GRID2: variants seen among roughly 807,000 people sequenced by gnomAD.
GRID2 encodes glutamate ionotropic receptor delta type subunit 2.
GRID2 carries 33 observed loss-of-function variants against 114.8 expected under a neutral mutation model. The observed-to-expected ratio is 0.29, with a 90% CI of 0.22 to 0.38. The LOEUF is 0.38. Among genes scored for constraint, GRID2 ranks in the 10% least tolerant of loss-of-function variants. The pLI, the probability that GRID2 is intolerant of heterozygous loss-of-function variation, is 1.00. For missense variants in GRID2, 1,184 were observed against 1,257.7 expected (o/e 0.94, Z 0.89); for synonymous variants, 505 against 449.9 (o/e 1.12, Z -1.55).
chr4:93,592,396 A>G (rs1163925463), intron 13 of GRID2, among the ~76,000 whole-genome samples: 7 of 152,068 alleles, frequency 4.6e-5, no homozygotes, highest in African/African-American at 9.7e-5. Flanking sequence ...CTGAGTTCTA[A>G]TTTGATTGCA....
chr4:92,542,550 A>G (rs542064079), intron 1 of GRID2, among the ~76,000 whole-genome samples: 18 of 152,170 alleles, frequency 1.2e-4, no homozygotes, highest in African/African-American at 4.3e-4. Flanking sequence ...CAAACATCGT[A>G]TGTTCTCACT....
At chr4:92,732,579 T>A (rs1168161396) in intron 2 of GRID2, among the ~76,000 whole-genome samples, 1 of 152,068 alleles carries the variant, frequency 6.6e-6, no homozygotes, top group Non-Finnish European at 1.5e-5. Context: ...GGTAAGTGAC[T>A]CTAGTTCCCT....
chr4:93,386,947 G>C lies in GRID2; in HGVS notation c.1246-8660G>C, dbSNP rs1764372817. Among the ~76,000 whole-genome samples the C allele has an allele frequency of 2.0e-5, 3 of 152,224 alleles. No individual in the cohort carries two copies. The South Asian group carries it at 6.2e-4, about 32-fold the overall frequency. On this transcript the variant is annotated intron_variant, in intron 8 of 15. Coordinates refer to ENST00000282020, the MANE Select transcript of GRID2 (RefSeq NM_001510.4). Reference sequence around the variant, plus strand: ...TATGTATAAAACATGGCTGGCCAGGGGTCCTAAGTCCTTGACTGCAACTCC... The same window carrying C: ...TATGTATAAAACATGGCTGGCCAGGCGTCCTAAGTCCTTGACTGCAACTCC...
intron 1 of GRID2, among the ~76,000 whole-genome samples, chr4:92,364,437 T>G (rs1056858578): frequency 6.6e-6 from 1 of 152,110 alleles, no homozygotes; most frequent in Non-Finnish European, 1.5e-5. Flanking sequence ...ATAGATTATT[T>G]CCCTTCAAAT....
intron 2 of GRID2, among the ~76,000 whole-genome samples, chr4:92,784,976 A>G (rs983012489): frequency 2.0e-5 from 3 of 151,660 alleles, no homozygotes; most frequent in African/African-American, 7.3e-5. Context: ...ATTAAACATT[A>G]TATCATAAAT....
At chr4:93,026,439 T>C (rs1010577972) in intron 2 of GRID2, among the ~76,000 whole-genome samples, 4 of 151,902 alleles carry the variant, frequency 2.6e-5, no homozygotes, top group African/African-American at 9.7e-5. Context: ...TTTTGTATCC[T>C]GAGCTTGGCT....
At chr4:92,768,026 T>TA (rs993846463) in intron 2 of GRID2, among the ~76,000 whole-genome samples, 4 of 152,266 alleles carry the variant, frequency 2.6e-5, no homozygotes, top group African/African-American at 7.2e-5. Flanking sequence ...TTTGTGTACT[T>TA]AAAAAATCAT....
At chr4:92,765,014 T>C (rs925321390) in intron 2 of GRID2, among the ~76,000 whole-genome samples, 3 of 152,184 alleles carry the variant, frequency 2.0e-5, no homozygotes, top group Non-Finnish European at 2.9e-5. Flanking sequence ...TATAACACTT[T>C]TAAAAAATTC....
At chr4:92,318,563 G>C (rs1726134071) in intron 1 of GRID2, among the ~76,000 whole-genome samples, 1 of 137,354 alleles carries the variant, frequency 7.3e-6, no homozygotes, top group African/African-American at 2.8e-5. Flanking sequence ...CACCCAGGCT[G>C]GAGTGCAGTG....
intron 1 of GRID2, among the ~76,000 whole-genome samples, chr4:92,435,197 T>G (rs1410356296): frequency 6.6e-6 from 1 of 152,208 alleles, no homozygotes; most frequent in Non-Finnish European, 1.5e-5. Flanking sequence ...GGATTTGTGT[T>G]TTCATTATCA....
At chr4:92,442,140 C>A (rs867582034) in intron 1 of GRID2, among the ~76,000 whole-genome samples, 1 of 149,908 alleles carries the variant, frequency 6.7e-6, no homozygotes, top group African/African-American at 2.5e-5. Context: ...AAGAAGGGGA[C>A]GGGCTTACCT....
intron 10 of GRID2, among the ~76,000 whole-genome samples, chr4:93,448,783 GCCCTCC>G (rs1722335554): frequency 1.5e-5 from 2 of 131,186 alleles, no homozygotes; most frequent in African/African-American, 5.8e-5. Context: ...AGTAGTCTTG[GCCCTCC>G]CCTTCCCTTC....
chr4:93,749,464 C>T (rs150090773), intron 14 of GRID2, among the ~76,000 whole-genome samples: 1 of 152,146 alleles, frequency 6.6e-6, no homozygotes, highest in African/African-American at 2.4e-5. Flanking sequence ...ATAGAGCTGG[C>T]CTGCCACTCA....
chr4:92,892,843 T>G (rs1328560876), intron 2 of GRID2, among the ~76,000 whole-genome samples: 1 of 152,238 alleles, frequency 6.6e-6, no homozygotes, highest in Non-Finnish European at 1.5e-5. Context: ...TTTGTAAAGT[T>G]GTTGACACTT....
intron 1 of GRID2, among the ~76,000 whole-genome samples, chr4:92,557,118 G>A (rs1252497507): frequency 1.3e-5 from 2 of 151,826 alleles, no homozygotes; most frequent in African/African-American, 4.8e-5. Context: ...GCCCCTTCTT[G>A]GTTTTTGTTT....
intron 14 of GRID2, among the ~76,000 whole-genome samples, chr4:93,725,332 C>T (rs1578666374): frequency 6.6e-6 from 1 of 152,212 alleles, no homozygotes; most frequent in East Asian, 1.9e-4. Context: ...TTTATGGCTG[C>T]ATAGTATTCC....
At chr4:92,409,144 C>T (rs1350061059) in intron 1 of GRID2, among the ~76,000 whole-genome samples, 2 of 151,938 alleles carry the variant, frequency 1.3e-5, no homozygotes, top group African/African-American at 2.4e-5. Flanking sequence ...TATGTTCCTT[C>T]GATGCCTAGT....
At chr4:93,801,452 T>C (rs1347960529) in intron 1 of GRID2, among the ~76,000 whole-genome samples, 1 of 152,074 alleles carries the variant, frequency 6.6e-6, no homozygotes, top group African/African-American at 2.4e-5. Flanking sequence ...ATTTGTCACA[T>C]AAAGTATGAT....
intron 1 of GRID2, among the ~76,000 whole-genome samples, chr4:92,328,610 G>A (rs184664578): frequency 1.3e-5 from 2 of 152,092 alleles, no homozygotes; most frequent in East Asian, 3.9e-4. Flanking sequence ...TCCCTGGATT[G>A]TTCTTGAATT....
Sources: gnomAD v4.1 joint callset for allele counts (sites outside exome capture counted in the v4.1 genomes callset) on GRCh38, gnomAD v4.1.1 for gene constraint, MANE v1.5 for transcripts, NCBI Gene and HGNC (gene_info 2026-07-23, HGNC 2026-07-21) for gene names.